CSMD1: variants seen among roughly 807,000 people sequenced by gnomAD.
CSMD1 encodes CUB and Sushi multiple domains 1.
Under a neutral mutation model 417.5 loss-of-function variants are expected in CSMD1, and 213 were observed. That is an observed-to-expected ratio of 0.51 (90% confidence interval 0.46 to 0.57). The LOEUF is 0.57. CSMD1 is among the 20% of genes least tolerant of loss of function. The pLI is 0.00. For synonymous variants in CSMD1, 2,862 were observed against 1,736.8 expected (o/e 1.65, Z -16.11); for missense variants, 6,923 against 4,529.7 (o/e 1.53, Z -15.17).
At chr8:4,705,692 C>G (rs1477143197) in intron 1 of CSMD1, among the ~76,000 whole-genome samples, 1 of 152,288 alleles carries the variant, frequency 6.6e-6, no homozygotes, top group Non-Finnish European at 1.5e-5. Flanking sequence ...TCACTCTTTT[C>G]TGAGTGTCTC....
chr8:3,428,750 A>G (rs1430219972), intron 12 of CSMD1, among the ~76,000 whole-genome samples: 1 of 152,242 alleles, frequency 6.6e-6, no homozygotes, highest in African/African-American at 2.4e-5. Context: ...AGATAGCTGC[A>G]CTCCCCTGTT....
intron 2 of CSMD1, among the ~76,000 whole-genome samples, chr8:4,626,719 C>T (rs1202930880): frequency 6.6e-6 from 1 of 152,028 alleles, no homozygotes; most frequent in Non-Finnish European, 1.5e-5. Flanking sequence ...CCTGACCTAC[C>T]CTTCAGTTCA....
intron 1 of CSMD1, among the ~76,000 whole-genome samples, chr8:4,860,538 G>A (rs1802070042): frequency 6.6e-6 from 1 of 152,016 alleles, no homozygotes; most frequent in South Asian, 2.1e-4. Context: ...TGGAACTTGA[G>A]CAGATGCTCG....
chr8:4,063,677 G>A (rs1799097289), intron 3 of CSMD1, among the ~76,000 whole-genome samples: 1 of 152,208 alleles, frequency 6.6e-6, no homozygotes, highest in Non-Finnish European at 1.5e-5. Flanking sequence ...CTACCAGGAA[G>A]GATAAGCATG....
At chr8:4,724,562 G>GTCTT (rs1225955638) in intron 1 of CSMD1, among the ~76,000 whole-genome samples, 1 of 141,934 alleles carries the variant, frequency 7.0e-6, no homozygotes, top group African/African-American at 2.8e-5. Context: ...GTGTGTGTGT[G>GTCTT]TTTATACTCC....
chr8:4,685,900 A>C (rs1485655062), intron 1 of CSMD1, among the ~76,000 whole-genome samples: 1 of 152,216 alleles, frequency 6.6e-6, no homozygotes, highest in African/African-American at 2.4e-5. Flanking sequence ...CTTGATTCTC[A>C]AAATGAACTC....
chr8:3,176,628 G>A (rs772960336), intron 37 of CSMD1, among the ~76,000 whole-genome samples: 15 of 152,290 alleles, frequency 9.8e-5, no homozygotes, highest in Middle Eastern at 3.4e-3. Flanking sequence ...CACTTGGGAT[G>A]TAGAGATCTG....
chr8:3,453,649 T>C (rs1228778097), intron 12 of CSMD1, among the ~76,000 whole-genome samples: 3 of 152,244 alleles, frequency 2.0e-5, no homozygotes, highest in African/African-American at 7.2e-5. Flanking sequence ...TCCTGAATTG[T>C]AGTTTTATTG....
chr8:4,092,738 A>G (rs1800786012), intron 3 of CSMD1, among the ~76,000 whole-genome samples: 2 of 152,134 alleles, frequency 1.3e-5, no homozygotes, highest in African/African-American at 4.8e-5. Context: ...TTTAACTTCC[A>G]CATTTTCTTT....
At chr8:4,218,514 C>A (rs892104847) in intron 3 of CSMD1, among the ~76,000 whole-genome samples, 1 of 152,156 alleles carries the variant, frequency 6.6e-6, no homozygotes, top group Non-Finnish European at 1.5e-5. Flanking sequence ...ATAATATTTG[C>A]ATTTATGCCT....
intron 42 of CSMD1, among the ~76,000 whole-genome samples, chr8:3,111,161 C>T (rs1166075485): frequency 1.3e-5 from 2 of 152,062 alleles, no homozygotes; most frequent in Non-Finnish European, 2.9e-5. Context: ...CAAAGATTTG[C>T]CACAAATGGT....
In CSMD1 at chr8:4,669,524, T is replaced by C. The variant is rs377503339; in HGVS notation, c.86-31966A>G. ...TTTCTGCCTACCCACTTCTTCCAAA[T>C]TGACACATATCAATGAGAATTTTCA... On this transcript the variant is annotated intron_variant, in intron 1 of 69. Transcript: ENST00000635120. Among the ~76,000 whole-genome samples, 8 of 152,324 alleles carry C rather than the reference T, an allele frequency of 5.3e-5. No homozygotes were observed. In the South Asian group the frequency reaches 1.2e-3, roughly 24 times the overall value.
At chr8:4,569,727 G>C (rs1455544244) in intron 2 of CSMD1, among the ~76,000 whole-genome samples, 3 of 151,998 alleles carry the variant, frequency 2.0e-5, no homozygotes, top group African/African-American at 4.8e-5. Context: ...ATATTACTTT[G>C]GGCAGTATGG....
At chr8:4,624,118 T>C (rs138172842) in intron 2 of CSMD1, among the ~76,000 whole-genome samples, 1 of 152,262 alleles carries the variant, frequency 6.6e-6, no homozygotes, top group African/African-American at 2.4e-5. Context: ...GCTCTCTGTA[T>C]ACCAAAATTC....
At chr8:3,969,970 G>A (rs1426700096) in intron 5 of CSMD1, among the ~76,000 whole-genome samples, 1 of 151,876 alleles carries the variant, frequency 6.6e-6, no homozygotes, top group African/African-American at 2.4e-5. Flanking sequence ...TGTCACTCAG[G>A]GAAGAGTTGT....
At chr8:3,786,923 G>C (rs1404690388) in intron 5 of CSMD1, among the ~76,000 whole-genome samples, 1 of 152,058 alleles carries the variant, frequency 6.6e-6, no homozygotes, top group Non-Finnish European at 1.5e-5. Context: ...TTTAGGATGA[G>C]GATTTCAACC....
At chr8:4,890,437 G>C (rs540313993) in intron 1 of CSMD1, among the ~76,000 whole-genome samples, 2 of 119,098 alleles carry the variant, frequency 1.7e-5, no homozygotes, top group African/African-American at 3.3e-5. Context: ...ACACCCTCCC[G>C]CAGGACAGGT....
At chr8:2,950,421 G>T (rs1339388278) in intron 66 of CSMD1, 78 bp from the exon 67 acceptor site, 2 of 829,148 alleles carry the variant, frequency 2.4e-6, no homozygotes, top group African/African-American at 1.7e-5. Flanking sequence ...GATGTGGAAT[G>T]TGGTACGGAG....
intron 3 of CSMD1, among the ~76,000 whole-genome samples, chr8:4,418,376 C>A (rs1563152976): frequency 6.6e-6 from 1 of 152,078 alleles, no homozygotes; most frequent in Non-Finnish European, 1.5e-5. Context: ...ACCATCATGA[C>A]CACCAGTAAA....
Sources: gnomAD v4.1 joint callset for allele counts (sites outside exome capture counted in the v4.1 genomes callset) on GRCh38, gnomAD v4.1.1 for gene constraint, MANE v1.5 for transcripts, NCBI Gene and HGNC (gene_info 2026-07-23, HGNC 2026-07-21) for gene names.